The following EVI5L variants were observed in gnomAD, a reference collection of about 807,000 sequenced individuals.
EVI5L encodes the protein EVI5-like protein.
In EVI5L, 30 loss-of-function variants were observed where a neutral mutation model predicts 106.1. The ratio of observed to expected loss-of-function variants is 0.28; its 90% CI spans 0.21 to 0.38. EVI5L has a LOEUF of 0.38. Among genes scored for constraint, EVI5L ranks in the 10% least tolerant of loss-of-function variants. The pLI, the probability that EVI5L is intolerant of heterozygous loss-of-function variation, is 1.00. For synonymous variants in EVI5L, 489 were observed against 483.3 expected (o/e 1.01, Z -0.15); for missense variants, 809 against 1,098.0 (o/e 0.74, Z 3.72).
chr19:7,834,304 A>G (rs1222806369), intron 1 of EVI5L, among the ~76,000 whole-genome samples: 1 of 152,260 alleles, frequency 6.6e-6, no homozygotes, highest in Admixed American at 6.5e-5. Flanking sequence ...AGCCTGGGCA[A>G]CAGAGCGAGA....
At chr19:7,854,115 CT>C (rs1979407545) in intron 10 of EVI5L, among the ~76,000 whole-genome samples, 2 of 151,712 alleles carry the variant, frequency 1.3e-5, no homozygotes, top group South Asian at 4.2e-4. Flanking sequence ...AACCCCGTCT[CT>C]ATTAAAAATA....
intron 1 of EVI5L, among the ~76,000 whole-genome samples, chr19:7,834,133 G>A (rs1217556819): frequency 2.0e-5 from 3 of 152,162 alleles, no homozygotes; most frequent in Admixed American, 6.5e-5. Flanking sequence ...GATCACCTGA[G>A]GTCAGGAGTT....
chr19:7,833,190 A>G (rs957599399), intron 1 of EVI5L, among the ~76,000 whole-genome samples: 8 of 152,130 alleles, frequency 5.3e-5, no homozygotes, highest in African/African-American at 1.9e-4. Flanking sequence ...AGGAATGTAT[A>G]TTTCAATTTC....
In EVI5L at chr19:7,856,460, A is replaced by G. The variant is rs1357700635; in HGVS notation, c.1200+392A>G. 6.6e-6 allele frequency among the ~76,000 whole-genome samples: 1 copy of G among 152,072 alleles called. No homozygotes were observed. Among genetic ancestry groups the G allele is most frequent in the Non-Finnish European group, 1.5e-5 (1 of 67,998 alleles). ...TTTGGAAGTCTTGCCCTCAAAAGAA[A>G]GGAAAGGAAACCCAGTGGAGGAGAA... On this transcript the variant is annotated intron_variant, in intron 11 of 19. Transcript: ENST00000538904. The surrounding 1 kb of genome is among the most constrained non-coding windows in gnomAD (Gnocchi z 6.6).
intron 13 of EVI5L, among the ~76,000 whole-genome samples, chr19:7,859,380 G>A (rs962872247): frequency 2.6e-5 from 4 of 152,196 alleles, no homozygotes; most frequent in Non-Finnish European, 2.9e-5. Context: ...GCAGTGGGGT[G>A]TAGGTTGGAG....
In EVI5L at chr19:7,856,808, TG is replaced by T. The variant is rs1979549418; in HGVS notation, c.1201-281del. On this transcript the variant is annotated intron_variant, in intron 11 of 19. Coordinates refer to ENST00000538904, the MANE Select transcript of EVI5L (RefSeq NM_001159944.3). The surrounding 1 kb of genome is among the most constrained non-coding windows in gnomAD (Gnocchi z 6.6). ...CAGCGGCCCGGCTGACCCTGGAGGG[TG>T]GGACAGTGGGTTTCCCAGCCCTGCG... Among the ~76,000 whole-genome samples the T allele has an allele frequency of 6.6e-6, 1 of 151,980 alleles. No individual in the cohort carries two copies. Among genetic ancestry groups the T allele is most frequent in the East Asian group, 1.9e-4 (1 of 5,142 alleles).
Position 7,858,525 on chromosome 19 carries a change from A to G in EVI5L, c.1374+194A>G, listed in dbSNP as rs1260851391. On this transcript the variant is annotated intron_variant, in intron 13 of 19. Coordinates refer to ENST00000538904, the MANE Select transcript of EVI5L (RefSeq NM_001159944.3). The surrounding 1 kb of genome is among the most constrained non-coding windows in gnomAD (Gnocchi z 5.7). ...GCTCCACATTCTGAGACATCCTGAT[A>G]TCCATTTCTTGCCACCTCATAGTGT... 2 of 710,038 alleles carry G rather than the reference A, an allele frequency of 2.8e-6. No homozygotes were observed. The highest frequency in any genetic ancestry group is 4.5e-6 in the Non-Finnish European group (2 of 441,274). The allele number at this position is 710,038 out of a possible 1,614,324, so 44.0% of individuals were successfully genotyped here. A position where few individuals can be genotyped will look rare whatever the true frequency, so the allele number is the denominator to read the frequency against.
chr19:7,862,663 G>GCC, intron 17 of EVI5L, 129 bp downstream of exon 17: 1 of 638,682 alleles, frequency 1.6e-6, no homozygotes, highest in Non-Finnish European at 2.0e-6. Flanking sequence ...CGGTCCTCCC[G>GCC]CCCCCGCCCG....
Position 7,843,392 on chromosome 19 carries a change from C to CATGTGTGT in EVI5L, c.-47-3102_-47-3101insGTGTGTAT, listed in dbSNP as rs149990071. On this transcript the variant is annotated intron_variant, in intron 1 of 19. Coordinates refer to ENST00000538904, the MANE Select transcript of EVI5L (RefSeq NM_001159944.3). ...TAGGCATGGGTGTGTCGAGTGTGTG[C>CATGTGTGT]ATAGGTGTGTGAGTGTGAGAATAGG... Among the ~76,000 whole-genome samples the CATGTGTGT allele has an allele frequency of 1.8e-4, 19 of 107,216 alleles. 3 individuals are homozygous for CATGTGTGT. The highest frequency in any genetic ancestry group is 2.6e-4 in the Non-Finnish European group (14 of 54,248). The allele number at this position is 107,216 out of a possible 152,430, so 70.3% of individuals were successfully genotyped here. A position where few individuals can be genotyped will look rare whatever the true frequency, so the allele number is the denominator to read the frequency against.
chr19:7,862,351 G>T, intron 16 of EVI5L, 37 bp from the exon 17 acceptor site: 1 of 1,580,582 alleles, frequency 6.3e-7, no homozygotes, highest in East Asian at 2.3e-5. Context: ...GGCCCTGACC[G>T]CCGCCGTCCT....
Position 7,863,943 on chromosome 19 carries a change from G to A in EVI5L, c.*241G>A. On this transcript the variant is annotated 3_prime_UTR_variant, in exon 20 of 20. Coordinates refer to ENST00000538904, the MANE Select transcript of EVI5L (RefSeq NM_001159944.3). The surrounding 1 kb of genome is among the most constrained non-coding windows in gnomAD (Gnocchi z 7.7). ...ACCCATCTTGGTCTGTACCCCTCCG[G>A]GCCCTCTGGCGTTCCAGGGGTGCCT... The A allele has an allele frequency of 4.0e-6, 2 of 496,922 alleles. No homozygotes were observed. The highest frequency in any genetic ancestry group is 2.0e-5 in the African/African-American group (1 of 49,430). The allele number at this position is 496,922 out of a possible 1,614,324, so 30.8% of individuals were successfully genotyped here.
chr19:7,837,714 T>C (rs1057245612), intron 1 of EVI5L, among the ~76,000 whole-genome samples: 1 of 152,176 alleles, frequency 6.6e-6, no homozygotes, highest in African/African-American at 2.4e-5. Context: ...GTTTTTTGTT[T>C]TTTGAGATGG....
At chr19:7,852,159 G>T (rs1230395774) in intron 8 of EVI5L, among the ~76,000 whole-genome samples, 2 of 152,218 alleles carry the variant, frequency 1.3e-5, no homozygotes, top group Non-Finnish European at 2.9e-5. Context: ...GGGAGTTTGG[G>T]GGTCTAGGCA....
Position 7,856,187 on chromosome 19 carries a change from A to G in EVI5L, c.1200+119A>G. On this transcript the variant is annotated intron_variant, in intron 11 of 19. Coordinates refer to ENST00000538904, the MANE Select transcript of EVI5L (RefSeq NM_001159944.3). This position sits in a 1 kb window ranked among gnomAD's most constrained non-coding sequence, Gnocchi z 6.6. ...TCTTCTCCTCTCTGGAGGACTAAGC[A>G]GCCCTACCTTCCTGCCCCAGGACCC... The G allele has an allele frequency of 1.9e-6, 2 of 1,029,000 alleles. No homozygotes were observed. The highest frequency in any genetic ancestry group is 2.6e-6 in the Non-Finnish European group (2 of 781,262). 63.7% of individuals were successfully genotyped at this position (1,029,000 alleles called of 1,614,324 possible). A position where few individuals can be genotyped will look rare whatever the true frequency, so the allele number is the denominator to read the frequency against.
chr19:7,847,397 G>A (rs544074402), intron 2 of EVI5L, among the ~76,000 whole-genome samples: 3 of 152,236 alleles, frequency 2.0e-5, no homozygotes, highest in Admixed American at 6.5e-5. Context: ...AGACCAGCCC[G>A]ACCAACATGG....
intron 1 of EVI5L, among the ~76,000 whole-genome samples, chr19:7,837,378 A>T (rs931399452): frequency 6.6e-6 from 1 of 152,150 alleles, no homozygotes; most frequent in African/African-American, 2.4e-5. Flanking sequence ...TTTGTAGAAC[A>T]CTTTGAGATT....
Position 7,853,283 on chromosome 19 carries a change from G to A in EVI5L, c.1096G>A (p.Glu366Lys), listed in dbSNP as rs1371860720. ...NPKKMKRLEKEYAAMKSKEME... is the reference protein window; with the variant it reads ...NPKKMKRLEKKYAAMKSKEME... ...CCTCCCGATCTGCAGGCTGGAGAAGGAGTACGCAGCCATGAAGAGCAAGGA... is the reference window on the plus strand; with the variant it reads ...CCTCCCGATCTGCAGGCTGGAGAAGAAGTACGCAGCCATGAAGAGCAAGGA... The change falls in exon 10 of 20, where the codon GAG becomes AAG. Residue 366 changes from glutamate (E) to lysine (K), a missense_variant. This residue lies in a region of EVI5L where 357 missense variants were observed against 588.1 expected (regional missense o/e 0.61). Transcript: ENST00000538904. 1.2e-6 allele frequency: 2 copies of A among 1,613,872 alleles called. No individual in the cohort carries two copies. Among genetic ancestry groups the A allele is most frequent in the Admixed American group, 3.3e-5 (2 of 59,988 alleles).
rs940924267 is a variant in EVI5L, at chr19:7,856,579, C to T, written c.1200+511C>T. Among the ~76,000 whole-genome samples the T allele has an allele frequency of 2.0e-5, 3 of 152,008 alleles. No homozygotes were observed. The highest frequency in any genetic ancestry group is 4.8e-5 in the African/African-American group (2 of 41,388). On this transcript the variant is annotated intron_variant, in intron 11 of 19. Coordinates refer to ENST00000538904, the MANE Select transcript of EVI5L (RefSeq NM_001159944.3). The surrounding 1 kb of genome is among the most constrained non-coding windows in gnomAD (Gnocchi z 6.6). ...TTGGGGGCTCACTGAGCCCCAGCCC[C>T]GGGAGCCCCCAATTCCTGCTCCTCA... is the stretch of plus-strand genomic sequence containing the variant.
Position 7,857,231 on chromosome 19 carries a change from C to G in EVI5L, c.1233+107C>G. 2 of 1,449,704 alleles carry G rather than the reference C, an allele frequency of 1.4e-6. No homozygotes were observed. Among genetic ancestry groups the G allele is most frequent in the Non-Finnish European group, 1.9e-6 (2 of 1,056,204 alleles). The allele number at this position is 1,449,704 out of a possible 1,614,324, so 89.8% of individuals were successfully genotyped here. ...CTTCCCTGCCATTCTGCGGGCAGGC[C>G]TGGCGCCATGCATGGAGCAGCTGGG... On this transcript the variant is annotated intron_variant, in intron 12 of 19. Transcript: ENST00000538904. This position sits in a 1 kb window ranked among gnomAD's most constrained non-coding sequence, Gnocchi z 4.5.
Sources: allele counts gnomAD v4.1 joint callset (sites outside exome capture counted in the v4.1 genomes callset), GRCh38; gene constraint gnomAD v4.1.1; regional missense constraint gnomAD v4.1.1; non-coding constraint Gnocchi (gnomAD v3.1); transcripts MANE v1.5; gene names NCBI Gene and HGNC (gene_info 2026-07-23, HGNC 2026-07-21).